The following FBN1 variants were observed in gnomAD, a reference collection of about 807,000 sequenced individuals.
FBN1 encodes fibrillin-1.
In FBN1, 29 loss-of-function variants were observed where a neutral mutation model predicts 365.1. That is an observed-to-expected ratio of 0.08 (90% confidence interval 0.06 to 0.11). The LOEUF is 0.11. FBN1 is among the 10% of genes least tolerant of loss of function. The pLI, the probability that FBN1 is intolerant of heterozygous loss-of-function variation, is 1.00. For synonymous variants in FBN1, 1,210 were observed against 1,270.5 expected (o/e 0.95, Z 1.01); for missense variants, 2,476 against 3,703.2 (o/e 0.67, Z 8.60).
intron 17 of FBN1, among the ~76,000 whole-genome samples, chr15:48,501,702 C>T (rs1006467949): frequency 5.3e-5 from 8 of 152,172 alleles, no homozygotes; most frequent in African/African-American, 1.9e-4. Flanking sequence ...TAAATCTTGG[C>T]TCTTCCAATC....
chr15:48,573,770 C>G (rs1597612719), intron 6 of FBN1, among the ~76,000 whole-genome samples: 1 of 152,194 alleles, frequency 6.6e-6, no homozygotes, highest in East Asian at 1.9e-4. Context: ...ACTGAGCCTG[C>G]TCCCCCAGGA....
At chr15:48,527,640 A>T (rs1039842143) in intron 8 of FBN1, among the ~76,000 whole-genome samples, 24 of 152,258 alleles carry the variant, frequency 1.6e-4, no homozygotes, top group African/African-American at 5.5e-4. Context: ...AGATTCAAGT[A>T]TCTTCTGACT....
At chr15:48,546,535 T>C (rs1390370252) in intron 6 of FBN1, among the ~76,000 whole-genome samples, 1 of 152,148 alleles carries the variant, frequency 6.6e-6, no homozygotes, top group African/African-American at 2.4e-5. Context: ...ACCAGAGCTT[T>C]GAGTGCAAAG....
At chr15:48,483,585 T>A (rs1259929500) in intron 31 of FBN1, among the ~76,000 whole-genome samples, 1 of 152,210 alleles carries the variant, frequency 6.6e-6, no homozygotes, top group Non-Finnish European at 1.5e-5. Flanking sequence ...GAAATGTCCA[T>A]CTGGAGCTGA....
chr15:48,456,871 T>TGTGTGTGTGTGTGC (rs749897052), intron 43 of FBN1, 109 bp from the exon 44 acceptor site: 9 of 1,083,610 alleles, frequency 8.3e-6, no homozygotes, highest in South Asian at 6.3e-5. Context: ...TGTGTGTGTG[T>TGTGTGTGTGTGTGC]GCGTGCATGT....
At chr15:48,440,621 C>A (rs932573176) in intron 50 of FBN1, among the ~76,000 whole-genome samples, 1 of 152,236 alleles carries the variant, frequency 6.6e-6, no homozygotes, top group African/African-American at 2.4e-5. Context: ...TCTTACTTCC[C>A]AAATAACTAG....
chr15:48,639,425 A>G (rs1015879423), intron 2 of FBN1, among the ~76,000 whole-genome samples: 4 of 152,220 alleles, frequency 2.6e-5, no homozygotes, highest in Non-Finnish European at 5.9e-5. Context: ...GTATTTGTTT[A>G]GACTTAATAC....
chr15:48,545,142 T>A (rs926117227), intron 6 of FBN1, among the ~76,000 whole-genome samples: 6 of 152,208 alleles, frequency 3.9e-5, no homozygotes, highest in Non-Finnish European at 8.8e-5. Flanking sequence ...TTCAAAGCCA[T>A]GAAGCATAAA....
chr15:48,445,123 C>CAT (rs931622804), intron 48 of FBN1, among the ~76,000 whole-genome samples: 75 of 138,180 alleles, frequency 5.4e-4, no homozygotes, highest in South Asian at 3.8e-3. Flanking sequence ...TATATATACA[C>CAT]ATATATATAT....
intron 2 of FBN1, among the ~76,000 whole-genome samples, chr15:48,621,669 G>T (rs1008142582): frequency 5.3e-5 from 8 of 152,184 alleles, no homozygotes; most frequent in Non-Finnish European, 1.0e-4. Flanking sequence ...ATAAGGAATA[G>T]ACTTTAATCA....
chr15:48,528,065 T>G (rs1356065711), intron 8 of FBN1, among the ~76,000 whole-genome samples: 2 of 152,250 alleles, frequency 1.3e-5, no homozygotes, highest in Admixed American at 1.3e-4. Flanking sequence ...GAATGTACCT[T>G]TTTCAAAGTG....
chr15:48,425,316 A>G, intron 60 of FBN1, 53 bp downstream of exon 60: 2 of 1,613,378 alleles, frequency 1.2e-6, no homozygotes, highest in Non-Finnish European at 1.7e-6. Context: ...AGGCAAAGGA[A>G]TGCAGCCATG....
At chr15:48,578,529 A>G (rs2044366226) in intron 6 of FBN1, among the ~76,000 whole-genome samples, 1 of 152,180 alleles carries the variant, frequency 6.6e-6, no homozygotes, top group African/African-American at 2.4e-5. Context: ...GTATATACCC[A>G]GTAATGGGAT....
intron 6 of FBN1, among the ~76,000 whole-genome samples, chr15:48,582,801 T>A (rs1173376754): frequency 1.3e-5 from 2 of 151,968 alleles, no homozygotes; most frequent in African/African-American, 2.4e-5. Context: ...GGGATCAGAG[T>A]CCCTGTGGGA....
chr15:48,584,366 T>C (rs2044420006), intron 6 of FBN1, among the ~76,000 whole-genome samples: 1 of 152,152 alleles, frequency 6.6e-6, no homozygotes, highest in African/African-American at 2.4e-5. Context: ...GCTAGGCAAT[T>C]AGAAAAACAC....
intron 25 of FBN1, among the ~76,000 whole-genome samples, chr15:48,489,227 T>A (rs1179789684): frequency 6.8e-6 from 1 of 147,076 alleles, no homozygotes; most frequent in Non-Finnish European, 1.5e-5. Flanking sequence ...TTTTTTTTTT[T>A]TTGTAGACAC....
intron 64 of FBN1, among the ~76,000 whole-genome samples, chr15:48,414,213 G>A (rs1228566130): frequency 2.0e-5 from 3 of 152,188 alleles, no homozygotes; most frequent in Non-Finnish European, 4.4e-5. Context: ...TATAAAGAAT[G>A]AGTCTACTGA....
chr15:48,413,607 CCAAATGTGTTGAAACA>C (rs1483048894), intron 64 of FBN1, among the ~76,000 whole-genome samples: 1 of 152,180 alleles, frequency 6.6e-6, no homozygotes, highest in African/African-American at 2.4e-5. Context: ...GCTCCTCTTT[CCAAATGTGTTGAAACA>C]TTTGAATGGT....
At position 48,602,760 on chromosome 15, in the gene FBN1, C is replaced by T. The variant is rs932726068; in HGVS notation, c.347-2526G>A. ...TTTTTTAACTAAAAATCTGTCTATA[C>T]GTATACAAAGAAAAAAAATGATTTA... On this transcript the variant is annotated intron_variant, in intron 4 of 65. Coordinates refer to ENST00000316623, the MANE Select transcript of FBN1 (RefSeq NM_000138.5). 5.9e-5 allele frequency among the ~76,000 whole-genome samples: 9 copies of T among 151,748 alleles called. No homozygotes were observed. In the East Asian group the frequency reaches 7.7e-4, roughly 13 times the overall value.
Sources: allele counts gnomAD v4.1 joint callset (sites outside exome capture counted in the v4.1 genomes callset), GRCh38; gene constraint gnomAD v4.1.1; transcripts MANE v1.5; gene names NCBI Gene and HGNC (gene_info 2026-07-23, HGNC 2026-07-21).